The following SHISA6 variants were observed in gnomAD, a reference collection of about 807,000 sequenced individuals.
SHISA6 encodes the protein shisa family member 6.
In SHISA6, 22 loss-of-function variants were observed where a neutral mutation model predicts 47.9. The ratio of observed to expected loss-of-function variants is 0.46; its 90% confidence interval spans 0.33 to 0.66. The LOEUF is 0.66. SHISA6 is among the 30% of genes least tolerant of loss of function. The pLI is 0.02. For synonymous variants in SHISA6, 388 were observed against 337.8 expected (o/e 1.15, Z -1.63); for missense variants, 680 against 764.6 (o/e 0.89, Z 1.30).
At position 11,458,513 on chromosome 17, in the gene SHISA6, A is replaced by T. The variant is rs563225511; in HGVS notation, c.895+79004A>T. ...GTTGAGTGTAGCAGACCATGTGCTAATGAGGATGGATGAGGCTGTTTGGTA... is the reference window on the plus strand; with the variant it reads ...GTTGAGTGTAGCAGACCATGTGCTATTGAGGATGGATGAGGCTGTTTGGTA... On this transcript the variant is annotated intron_variant, in intron 3 of 5. Coordinates refer to ENST00000441885, the MANE Select transcript of SHISA6 (RefSeq NM_207386.4). Among the ~76,000 whole-genome samples, 3 of 152,284 alleles carry T rather than the reference A, an allele frequency of 2.0e-5. No homozygotes were observed. The East Asian group carries it at 5.8e-4, about 29-fold the overall frequency.
At chr17:11,446,781 T>C (rs1326989855) in intron 3 of SHISA6, among the ~76,000 whole-genome samples, 1 of 152,178 alleles carries the variant, frequency 6.6e-6, no homozygotes, top group African/African-American at 2.4e-5. Context: ...TCATCTTGTG[T>C]TTGCCTTTGT....
intron 2 of SHISA6, among the ~76,000 whole-genome samples, chr17:11,308,738 T>C (rs1910218137): frequency 2.6e-5 from 4 of 152,134 alleles, no homozygotes; most frequent in Non-Finnish European, 5.9e-5. Flanking sequence ...GTTGGGTAAG[T>C]ATCCACAGGG....
At position 11,558,587 on chromosome 17, in the gene SHISA6, C is replaced by T; in HGVS notation, c.*283C>T. 1 of 477,096 alleles carries T rather than the reference C, an allele frequency of 2.1e-6. No homozygotes were observed. Among genetic ancestry groups the T allele is most frequent in the Non-Finnish European group, 3.8e-6 (1 of 265,308 alleles). The allele number at this position is 477,096 out of a possible 1,614,324, so 29.6% of individuals were successfully genotyped here. ...TAGGCCCCATTCTCACCCCCGACCA[C>T]CTTCACCAACTCCCTTTCCGTCCCG... On this transcript the variant is annotated 3_prime_UTR_variant, in exon 6 of 6. Coordinates refer to ENST00000441885, the MANE Select transcript of SHISA6 (RefSeq NM_207386.4).
chr17:11,413,033 GCTACT>G (rs1914176517), intron 3 of SHISA6, among the ~76,000 whole-genome samples: 1 of 152,144 alleles, frequency 6.6e-6, no homozygotes, highest in Non-Finnish European at 1.5e-5. Flanking sequence ...GCATGACTTT[GCTACT>G]CCTCACACAC....
At chr17:11,508,183 G>A (rs1194731692) in intron 3 of SHISA6, among the ~76,000 whole-genome samples, 1 of 152,224 alleles carries the variant, frequency 6.6e-6, no homozygotes. Context: ...TCTACTAGCT[G>A]TGTGACTGTC....
At position 11,477,283 on chromosome 17, in the gene SHISA6, T is replaced by A. The variant is rs144753420; in HGVS notation, c.896-74613T>A. Among the ~76,000 whole-genome samples, 432 of 151,874 alleles carry A rather than the reference T, an allele frequency of 2.8e-3. 8 individuals carry two copies. The highest frequency in any genetic ancestry group is 0.024 in the Admixed American group (363 of 15,216). ...AAAGCAATTACTGATATAGTTGGAT[T>A]AGTATCTACCATATTTATTACAGTT... On this transcript the variant is annotated intron_variant, in intron 3 of 5. Coordinates refer to ENST00000441885, the MANE Select transcript of SHISA6 (RefSeq NM_207386.4).
intron 2 of SHISA6, 48 bp downstream of exon 2, chr17:11,263,574 G>T: frequency 6.5e-7 from 1 of 1,544,320 alleles, no homozygotes; most frequent in South Asian, 1.2e-5. Flanking sequence ...CTGGTGAGAG[G>T]TTTCAGGATG....
intron 3 of SHISA6, among the ~76,000 whole-genome samples, chr17:11,530,601 A>C: frequency 1.3e-5 from 2 of 152,232 alleles, no homozygotes; most frequent in East Asian, 3.8e-4. Flanking sequence ...GCACATGAGC[A>C]GAGAAATGGC....
At chr17:11,475,236 C>T (rs531239091) in intron 3 of SHISA6, among the ~76,000 whole-genome samples, 1 of 152,128 alleles carries the variant, frequency 6.6e-6, no homozygotes, top group Non-Finnish European at 1.5e-5. Flanking sequence ...CAAACAAAGA[C>T]AATTTTATTT....
intron 3 of SHISA6, among the ~76,000 whole-genome samples, chr17:11,403,611 A>G (rs957408580): frequency 6.6e-6 from 1 of 152,194 alleles, no homozygotes; most frequent in Non-Finnish European, 1.5e-5. Context: ...GGGTGTCAGC[A>G]TGGCATGGTG....
At chr17:11,522,094 T>C (rs944810811) in intron 3 of SHISA6, among the ~76,000 whole-genome samples, 1 of 151,374 alleles carries the variant, frequency 6.6e-6, no homozygotes, top group African/African-American at 2.4e-5. Flanking sequence ...GCCTCCCGAG[T>C]AGCTGGGACT....
chr17:11,417,146 A>C (rs564106273), intron 3 of SHISA6, among the ~76,000 whole-genome samples: 1 of 152,334 alleles, frequency 6.6e-6, no homozygotes, highest in Admixed American at 6.5e-5. Context: ...AAAGGAGATA[A>C]CAGTTCATTT....
intron 2 of SHISA6, among the ~76,000 whole-genome samples, chr17:11,318,830 CT>C (rs1258124864): frequency 6.6e-6 from 1 of 152,040 alleles, no homozygotes; most frequent in Non-Finnish European, 1.5e-5. Context: ...ATGTAAATGA[CT>C]TTGGATTTTT....
intron 2 of SHISA6, among the ~76,000 whole-genome samples, chr17:11,339,467 C>T (rs1911450364): frequency 6.6e-6 from 1 of 152,000 alleles, no homozygotes; most frequent in Non-Finnish European, 1.5e-5. Flanking sequence ...AATTTTTCTA[C>T]AAGAAACGTG....
chr17:11,358,620 A>G (rs58450936), intron 2 of SHISA6, among the ~76,000 whole-genome samples: 5,073 of 150,084 alleles, frequency 0.034, 253 homozygotes, highest in African/African-American at 0.11. Flanking sequence ...CGGCCTCCCA[A>G]AGTGCTGGGA....
chr17:11,477,426 T>A (rs1567616075), intron 3 of SHISA6, among the ~76,000 whole-genome samples: 1 of 152,196 alleles, frequency 6.6e-6, no homozygotes, highest in Admixed American at 6.5e-5. Flanking sequence ...TAAACTACTT[T>A]TTTTTATTAT....
At chr17:11,517,329 T>C (rs910351216) in intron 3 of SHISA6, among the ~76,000 whole-genome samples, 1 of 152,200 alleles carries the variant, frequency 6.6e-6, no homozygotes, top group African/African-American at 2.4e-5. Context: ...TATGTATTCA[T>C]CTTGCACTCA....
chr17:11,441,518 G>T (rs1462279360), intron 3 of SHISA6, among the ~76,000 whole-genome samples: 2 of 152,138 alleles, frequency 1.3e-5, no homozygotes, highest in African/African-American at 4.8e-5. Flanking sequence ...AGTGAGAGAT[G>T]GCATTAAACA....
chr17:11,367,442 A>G (rs1334787225), intron 2 of SHISA6, among the ~76,000 whole-genome samples: 1 of 152,202 alleles, frequency 6.6e-6, no homozygotes, highest in Non-Finnish European at 1.5e-5. Flanking sequence ...GGCACAGAGA[A>G]CAGGGAACAC....
Sources: allele counts gnomAD v4.1 joint callset (sites outside exome capture counted in the v4.1 genomes callset), GRCh38; gene constraint gnomAD v4.1.1; transcripts MANE v1.5; gene names NCBI Gene and HGNC (gene_info 2026-07-23, HGNC 2026-07-21).